Variants in INPP5A observed in about 807,000 individuals in gnomAD.
INPP5A encodes the protein 43 kDa inositol polyphosphate 5-phophatase.
Under a neutral mutation model 65.2 loss-of-function variants are expected in INPP5A, and 14 were observed. The ratio of observed to expected loss-of-function variants is 0.21; its 90% CI spans 0.14 to 0.34. The LOEUF (loss-of-function observed/expected upper bound fraction) is 0.34, where lower values mean the gene tolerates loss of function less well. INPP5A is among the 10% of genes least tolerant of loss of function. The probability of loss-of-function intolerance (pLI) is 1.00; values close to 1 mark genes in which losing one functional copy is unlikely to be tolerated. For missense variants in INPP5A, 431 were observed against 545.6 expected (o/e 0.79, Z 2.09); for synonymous variants, 207 against 208.3 (o/e 0.99, Z 0.05).
intron 8 of INPP5A, among the ~76,000 whole-genome samples, chr10:132,719,287 G>GGT: frequency 1.3e-5 from 2 of 149,884 alleles, no homozygotes; most frequent in South Asian, 2.1e-4. Flanking sequence ...AGGGTTCTGT[G>GGT]GCAACTGGGT....
At chr10:132,734,650 C>T (rs1472259801) in intron 9 of INPP5A, among the ~76,000 whole-genome samples, 3 of 152,222 alleles carry the variant, frequency 2.0e-5, no homozygotes, top group Admixed American at 6.5e-5. Context: ...ATGAGGGTAC[C>T]GCCTGCCCTC....
chr10:132,710,907 G>A (rs897637903), intron 8 of INPP5A, among the ~76,000 whole-genome samples: 1 of 152,096 alleles, frequency 6.6e-6, no homozygotes, highest in East Asian at 1.9e-4. Flanking sequence ...CACCCTGTTG[G>A]CCACTGGGAA....
rs1032013435 is a variant in INPP5A at position 132,707,948 on chromosome 10, C to G, written c.475-365C>G. 1.3e-5 allele frequency among the ~76,000 whole-genome samples: 2 copies of G among 152,192 alleles called. No homozygotes were observed. Among genetic ancestry groups the G allele is most frequent in the African/African-American group, 4.8e-5 (2 of 41,444 alleles). On this transcript the variant is annotated intron_variant, in intron 6 of 15. Transcript: ENST00000368594. This position sits in a 1 kb window ranked among gnomAD's most constrained non-coding sequence, Gnocchi z 5.5. ...CGGCTGCTCAAGTCTTCCCTGTGGT[C>G]CAGCCGAGGGCGGCCGTGTGTCTCG...
In INPP5A at chr10:132,550,426, G is replaced by T. The variant is rs1194920739; in HGVS notation, c.75+12255G>T. Among the ~76,000 whole-genome samples, 1 of 152,200 alleles carries T rather than the reference G, an allele frequency of 6.6e-6. No individual in the cohort carries two copies. The highest frequency in any genetic ancestry group is 2.4e-5 in the African/African-American group (1 of 41,440). ...GCAACTCTGAGGTTCTGCATAGCTA[G>T]TGCCACCTGTGACACTGCTGTCACT... On this transcript the variant is annotated intron_variant, in intron 1 of 15. Coordinates refer to ENST00000368594, the MANE Select transcript of INPP5A (RefSeq NM_005539.5). This position sits in a 1 kb window ranked among gnomAD's most constrained non-coding sequence, Gnocchi z 4.2.
chr10:132,751,145 C>T (rs1178735473), intron 11 of INPP5A, among the ~76,000 whole-genome samples: 1 of 152,248 alleles, frequency 6.6e-6, no homozygotes, highest in Non-Finnish European at 1.5e-5. Context: ...CCCCACGCTC[C>T]TGTCTTCTTG....
At chr10:132,561,982 G>C (rs1362514645) in intron 1 of INPP5A, among the ~76,000 whole-genome samples, 1 of 152,240 alleles carries the variant, frequency 6.6e-6, no homozygotes, top group Admixed American at 6.5e-5. Flanking sequence ...GGGTTTGTCA[G>C]CTTCAGGGTT....
chr10:132,686,973 C>G (rs1845141578), intron 4 of INPP5A, among the ~76,000 whole-genome samples: 1 of 152,216 alleles, frequency 6.6e-6, no homozygotes, highest in Non-Finnish European at 1.5e-5. Context: ...GAGACGGAGT[C>G]TCGCCCTGTC....
At chr10:132,602,185 A>G (rs1190061480) in intron 1 of INPP5A, among the ~76,000 whole-genome samples, 2 of 152,148 alleles carry the variant, frequency 1.3e-5, no homozygotes, top group African/African-American at 4.8e-5. Flanking sequence ...GTTTATTTCT[A>G]AGTTTTTTAT....
chr10:132,630,433 T>A (rs1590879962), intron 2 of INPP5A, among the ~76,000 whole-genome samples: 1 of 151,604 alleles, frequency 6.6e-6, no homozygotes, highest in Non-Finnish European at 1.5e-5. Context: ...AAGGTGCCCA[T>A]GAGGGGAGGG....
At chr10:132,701,678 C>T (rs748533828) in intron 6 of INPP5A, among the ~76,000 whole-genome samples, 1 of 152,150 alleles carries the variant, frequency 6.6e-6, no homozygotes, top group South Asian at 2.1e-4. Context: ...CAGGTGCGCC[C>T]GTGGGGGCGT....
intron 2 of INPP5A, among the ~76,000 whole-genome samples, chr10:132,625,341 G>C (rs766379313): frequency 1.3e-5 from 2 of 151,866 alleles, no homozygotes; most frequent in Non-Finnish European, 1.5e-5. Flanking sequence ...GTGTCTTTCT[G>C]AATTACTGTA....
At chr10:132,744,159 C>T (rs193222974) in intron 9 of INPP5A, among the ~76,000 whole-genome samples, 4 of 152,236 alleles carry the variant, frequency 2.6e-5, no homozygotes, top group Admixed American at 6.5e-5. Flanking sequence ...GGCTGGGAGT[C>T]GTAGCCTCAA....
chr10:132,564,827 C>G (rs927847252), intron 1 of INPP5A, among the ~76,000 whole-genome samples: 1 of 152,076 alleles, frequency 6.6e-6, no homozygotes, highest in African/African-American at 2.4e-5. Flanking sequence ...ATGGCGTCAC[C>G]TGGGGCTCCT....
chr10:132,539,601 G>C (rs887646154), intron 1 of INPP5A, among the ~76,000 whole-genome samples: 1 of 152,200 alleles, frequency 6.6e-6, no homozygotes, highest in African/African-American at 2.4e-5. Flanking sequence ...CCACCCTGCT[G>C]TTGGTACTCC....
intron 8 of INPP5A, among the ~76,000 whole-genome samples, chr10:132,719,344 T>G (rs1425376857): frequency 1.3e-5 from 2 of 150,494 alleles, no homozygotes; most frequent in African/African-American, 2.4e-5. Context: ...CTGTGGTACC[T>G]GGGTTCTGTC....
chr10:132,596,873 G>A (rs2071699839), intron 1 of INPP5A, among the ~76,000 whole-genome samples: 1 of 147,012 alleles, frequency 6.8e-6, no homozygotes, highest in Admixed American at 7.0e-5. Flanking sequence ...GTGTGCATGT[G>A]TGTGCATGCA....
At chr10:132,770,155 G>A (rs1038497950) in intron 12 of INPP5A, among the ~76,000 whole-genome samples, 21 of 152,226 alleles carry the variant, frequency 1.4e-4, no homozygotes, top group Admixed American at 1.0e-3. Flanking sequence ...CTCACCCCTC[G>A]TGGCCTCAGC....
intron 1 of INPP5A, 137 bp from the exon 2 acceptor site, chr10:132,607,778 G>A: frequency 1.2e-6 from 1 of 824,560 alleles, no homozygotes; most frequent in South Asian, 1.5e-5. Context: ...CCGTGCGGGT[G>A]GAGCTCCTCC....
At chr10:132,709,607 C>G (rs1845600142) in intron 7 of INPP5A, among the ~76,000 whole-genome samples, 1 of 152,108 alleles carries the variant, frequency 6.6e-6, no homozygotes, top group Non-Finnish European at 1.5e-5. Flanking sequence ...AGCTGGGCCA[C>G]AGGCTGGAGG....
Sources: allele counts gnomAD v4.1 joint callset (sites outside exome capture counted in the v4.1 genomes callset), GRCh38; gene constraint gnomAD v4.1.1; non-coding constraint Gnocchi (gnomAD v3.1); transcripts MANE v1.5; gene names NCBI Gene and HGNC (gene_info 2026-07-23, HGNC 2026-07-21).